Variants in PLXNA4 observed in about 807,000 individuals in gnomAD.
The protein encoded by PLXNA4 is plexin A4.
Under a neutral mutation model 191.8 loss-of-function variants are expected in PLXNA4, and 44 were observed. The observed-to-expected ratio is 0.23, with a 90% CI of 0.18 to 0.29. The LOEUF is 0.29. Ranked by LOEUF, PLXNA4 falls within the 10% of genes least tolerant of loss-of-function variation. The pLI is 1.00. For synonymous variants in PLXNA4, 1,082 were observed against 1,009.5 expected (o/e 1.07, Z -1.36); for missense variants, 1,800 against 2,488.8 (o/e 0.72, Z 5.89).
At chr7:132,634,786 T>A (rs1461055836) in intron 2 of PLXNA4, among the ~76,000 whole-genome samples, 2 of 152,172 alleles carry the variant, frequency 1.3e-5, no homozygotes, top group Non-Finnish European at 2.9e-5. Flanking sequence ...CATGATGGCC[T>A]CTGTGATGGT....
chr7:132,491,396 G>A (rs551367022), intron 2 of PLXNA4, among the ~76,000 whole-genome samples: 40 of 152,278 alleles, frequency 2.6e-4, no homozygotes, highest in Non-Finnish European at 5.9e-5. Flanking sequence ...GAAGAGGTGC[G>A]GGCAGGCACT....
At chr7:132,491,636 G>GA (rs60760710) in intron 2 of PLXNA4, among the ~76,000 whole-genome samples, 111,349 of 147,494 alleles carry the variant, frequency 0.75, 44,045 homozygotes, top group East Asian at 0.98. Flanking sequence ...TCCCTTAAAA[G>GA]AAAAAAAAAA....
intron 14 of PLXNA4, among the ~76,000 whole-genome samples, chr7:132,193,209 T>C (rs1253179111): frequency 1.3e-5 from 2 of 152,196 alleles, no homozygotes; most frequent in African/African-American, 2.4e-5. Flanking sequence ...AGATGTTTAT[T>C]ATCAAAGAGT....
intron 4 of PLXNA4, among the ~76,000 whole-genome samples, chr7:132,263,607 G>A (rs770843849): frequency 1.2e-4 from 18 of 152,206 alleles, no homozygotes; most frequent in Non-Finnish European, 1.9e-4. Context: ...CTAGCAAATT[G>A]TCCACTGCAT....
chr7:132,280,522 C>T (rs1479851969), intron 4 of PLXNA4, among the ~76,000 whole-genome samples: 1 of 152,196 alleles, frequency 6.6e-6, no homozygotes, highest in Non-Finnish European at 1.5e-5. Flanking sequence ...CTTGATAATG[C>T]TGTCTGCCTG....
At chr7:132,408,898 G>A (rs111949441) in intron 3 of PLXNA4, among the ~76,000 whole-genome samples, 18 of 131,680 alleles carry the variant, frequency 1.4e-4, no homozygotes, top group Admixed American at 2.8e-4. Flanking sequence ...TAAGAGGAAT[G>A]CGTTGGATCA....
intron 2 of PLXNA4, among the ~76,000 whole-genome samples, chr7:132,604,651 T>C (rs1802889870): frequency 7.1e-6 from 1 of 141,588 alleles, no homozygotes; most frequent in South Asian, 2.6e-4. Flanking sequence ...CCCAGCCAAC[T>C]ATCTGACTTG....
chr7:132,328,037 C>T lies in PLXNA4; in HGVS notation c.1372-29815G>A, dbSNP rs143476100. Among the ~76,000 whole-genome samples the T allele has an allele frequency of 6.7e-3, 1,027 of 152,250 alleles. 9 individuals are homozygous for T. The highest frequency in any genetic ancestry group is 0.011 in the Non-Finnish European group (740 of 68,012). On this transcript the variant is annotated intron_variant, in intron 3 of 31. Transcript: ENST00000321063. ...TTCCAGTCCCCATGGAAAGGGTGGC[C>T]GGATGGACAGAGCGCTGCCTTTGAA...
At chr7:132,198,455 T>C in intron 13 of PLXNA4, 30 bp downstream of exon 13, 1 of 1,608,470 alleles carries the variant, frequency 6.2e-7, no homozygotes, top group Non-Finnish European at 8.5e-7. Context: ...CCTCCCCTGT[T>C]CCTCCTGTGT....
chr7:132,475,331 C>T (rs1431652876), intron 3 of PLXNA4, among the ~76,000 whole-genome samples: 3 of 152,182 alleles, frequency 2.0e-5, no homozygotes, highest in African/African-American at 4.8e-5. Flanking sequence ...CTCCAAGCAT[C>T]TTAGAGCTCT....
At chr7:132,142,168 C>T (rs1307166230) in intron 29 of PLXNA4, among the ~76,000 whole-genome samples, 1 of 152,184 alleles carries the variant, frequency 6.6e-6, no homozygotes, top group Non-Finnish European at 1.5e-5. Context: ...CTTATAATGT[C>T]CCAATCCTGG....
intron 3 of PLXNA4, among the ~76,000 whole-genome samples, chr7:132,321,545 C>A (rs992022183): frequency 1.3e-5 from 2 of 152,154 alleles, no homozygotes; most frequent in Non-Finnish European, 1.5e-5. Flanking sequence ...CATTTCTGAT[C>A]CCCTGGAAGG....
intron 3 of PLXNA4, among the ~76,000 whole-genome samples, chr7:132,480,337 G>A (rs933369904): frequency 1.3e-5 from 2 of 152,222 alleles, no homozygotes; most frequent in African/African-American, 2.4e-5. Context: ...GTGGTGACAA[G>A]TGCTCCAGGT....
intron 2 of PLXNA4, among the ~76,000 whole-genome samples, chr7:132,491,663 A>G (rs1200736892): frequency 6.6e-6 from 1 of 151,712 alleles, no homozygotes; most frequent in Admixed American, 6.6e-5. Context: ...ATTATTGACC[A>G]GGCATGGTGA....
chr7:132,554,622 C>T (rs564862827), intron 1 of PLXNA4, among the ~76,000 whole-genome samples: 80 of 152,324 alleles, frequency 5.3e-4, no homozygotes, highest in Middle Eastern at 3.4e-3. Context: ...CGAGCACGCT[C>T]TGAACCAGGG....
intron 11 of PLXNA4, 81 bp from the exon 12 acceptor site, chr7:132,202,917 G>T (rs1797488722): frequency 7.3e-7 from 1 of 1,368,722 alleles, no homozygotes; most frequent in Non-Finnish European, 9.7e-7. Flanking sequence ...GACAAAGAGT[G>T]CAGTGCCAGC....
At chr7:132,561,369 G>GTCC (rs138091305) in intron 1 of PLXNA4, among the ~76,000 whole-genome samples, 1 of 43,280 alleles carries the variant, frequency 2.3e-5, no homozygotes, top group South Asian at 8.9e-4. Context: ...CCTCCTTCTT[G>GTCC]TCCTCCTCCT....
intron 10 of PLXNA4, among the ~76,000 whole-genome samples, chr7:132,208,734 CGACA>C (rs898812538): frequency 2.0e-5 from 3 of 152,184 alleles, no homozygotes; most frequent in African/African-American, 4.8e-5. Context: ...ATTCAACACC[CGACA>C]GACAGACTGT....
intron 3 of PLXNA4, among the ~76,000 whole-genome samples, chr7:132,394,129 G>A (rs1329889723): frequency 2.6e-5 from 4 of 152,146 alleles, no homozygotes; most frequent in Admixed American, 1.3e-4. Context: ...ACATGGGAGA[G>A]GGGGAAGGGA....
Sources: allele counts gnomAD v4.1 joint callset (sites outside exome capture counted in the v4.1 genomes callset), GRCh38; gene constraint gnomAD v4.1.1; transcripts MANE v1.5; gene names NCBI Gene and HGNC (gene_info 2026-07-23, HGNC 2026-07-21).